TAPT1: variants seen among roughly 807,000 people sequenced by gnomAD.
TAPT1 encodes transmembrane anterior posterior transformation protein 1 homolog.
Under a neutral mutation model 65.6 loss-of-function variants are expected in TAPT1, and 28 were observed. The observed-to-expected ratio is 0.43, with a 90% confidence interval of 0.32 to 0.59. The LOEUF is 0.59. Ranked by LOEUF, TAPT1 falls within the 20% of genes least tolerant of loss-of-function variation. The pLI, the probability that TAPT1 is intolerant of heterozygous loss-of-function variation, is 0.09. For missense variants in TAPT1, 563 were observed against 679.9 expected, an observed-to-expected ratio of 0.83 and a Z score of 1.91; for synonymous variants, 278 against 245.2, an observed-to-expected ratio of 1.13 and a Z score of -1.25.
Position 16,161,307 on chromosome 4 carries a change from CA to C in TAPT1, c.*2000del, listed in dbSNP as rs1484777554. 1.3e-5 allele frequency: 2 copies of C among 152,510 alleles called. No homozygotes were observed. The highest frequency in any genetic ancestry group is 4.8e-5 in the African/African-American group (2 of 41,404). The allele number at this position is 152,510 out of a possible 1,614,324, so 9.4% of individuals were successfully genotyped here. ...TCAGTGACCTTTTTAAAAAAGATTACAAAACTGAATTTATTGAGATTCACAC... is the reference window on the plus strand; with the variant it reads ...TCAGTGACCTTTTTAAAAAAGATTACAAACTGAATTTATTGAGATTCACAC... On this transcript the variant is annotated 3_prime_UTR_variant, in exon 14 of 14. Coordinates refer to ENST00000405303, the MANE Select transcript of TAPT1 (RefSeq NM_153365.3).
chr4:16,204,534 TAA>T (rs777845116), intron 2 of TAPT1, among the ~76,000 whole-genome samples: 9 of 152,246 alleles, frequency 5.9e-5, no homozygotes, highest in African/African-American at 9.6e-5. Flanking sequence ...TTCTTTAAAA[TAA>T]AAAGAGTTAT....
intron 2 of TAPT1, among the ~76,000 whole-genome samples, chr4:16,205,464 T>C (rs1275552767): frequency 1.3e-5 from 2 of 152,174 alleles, no homozygotes; most frequent in African/African-American, 4.8e-5. Flanking sequence ...TGCTTAATAC[T>C]GCACTGGGAG....
intron 3 of TAPT1, among the ~76,000 whole-genome samples, chr4:16,195,476 G>GT (rs1438564845): frequency 6.6e-6 from 1 of 152,174 alleles, no homozygotes; most frequent in Non-Finnish European, 1.5e-5. Flanking sequence ...AGGTTTGGGT[G>GT]TATGTCATCA....
intron 9 of TAPT1, 96 bp from the exon 10 acceptor site, chr4:16,174,825 C>A (rs1748225406): frequency 2.2e-6 from 2 of 907,766 alleles, no homozygotes; most frequent in Non-Finnish European, 3.2e-6. Context: ...TAATAATTAA[C>A]CAGGAACAAG....
At chr4:16,188,417 T>C (rs1749150795) in intron 4 of TAPT1, 62 bp from the exon 5 acceptor site, 3 of 1,301,008 alleles carry the variant, frequency 2.3e-6, no homozygotes, top group Non-Finnish European at 2.1e-6. Context: ...ATAACTAAAA[T>C]TGAGATATAG....
intron 1 of TAPT1, among the ~76,000 whole-genome samples, chr4:16,223,776 A>AAAAC (rs760202101): frequency 2.6e-5 from 4 of 152,236 alleles, no homozygotes; most frequent in Non-Finnish European, 4.4e-5. Context: ...GGAGAGATAT[A>AAAAC]AAACAAAAAA....
chr4:16,197,392 A>G (rs1749771740), intron 3 of TAPT1, among the ~76,000 whole-genome samples: 1 of 152,214 alleles, frequency 6.6e-6, no homozygotes, highest in Admixed American at 6.5e-5. Context: ...TTTTTTCAAC[A>G]ATAACTCAAT....
intron 4 of TAPT1, among the ~76,000 whole-genome samples, chr4:16,189,768 T>C (rs769106219): frequency 3.2e-4 from 49 of 152,344 alleles, no homozygotes; most frequent in Admixed American, 7.8e-4. Flanking sequence ...CAGCAATTCA[T>C]GGATCCTTTT....
chr4:16,176,056 A>G (rs1748302259), intron 9 of TAPT1, 63 bp downstream of exon 9: 1 of 794,862 alleles, frequency 1.3e-6, no homozygotes, highest in Non-Finnish European at 1.9e-6. Context: ...TTATTCTACA[A>G]CTTTTAAAAA....
chr4:16,196,825 G>A, intron 3 of TAPT1: 1 of 517,978 alleles, frequency 1.9e-6, no homozygotes, highest in Non-Finnish European at 3.5e-6. Flanking sequence ...GTGTTACGAA[G>A]ACTTTCTAAT....
At chr4:16,197,163 C>G (rs530160585) in intron 3 of TAPT1, among the ~76,000 whole-genome samples, 36 of 152,214 alleles carry the variant, frequency 2.4e-4, no homozygotes, top group South Asian at 6.2e-4. Flanking sequence ...GATAAACTCT[C>G]AAAAGAAAAT....
upstream of TAPT1, chr4:16,227,212 C>A (rs759654983): frequency 4.4e-6 from 2 of 455,500 alleles, no homozygotes; most frequent in South Asian, 1.6e-5. Flanking sequence ...GCGGCCGGAC[C>A]GGCAGAGTTT....
chr4:16,226,283 G>A lies in TAPT1; in HGVS notation c.175C>T (p.Arg59Trp). The A allele has an allele frequency of 8.9e-7, 1 of 1,126,518 alleles. No homozygotes were observed. The highest frequency in any genetic ancestry group is 1.1e-6 in the Non-Finnish European group (1 of 921,274). The allele number at this position is 1,126,518 out of a possible 1,614,324, so 69.8% of individuals were successfully genotyped here. The change falls in exon 1 of 14, where the codon CGG (arginine) becomes TGG (tryptophan). Residue 59 changes from arginine to tryptophan, a missense_variant. By Grantham distance (101) the Arg-to-Trp change is moderately radical. This residue lies in a region of TAPT1 where 103 missense variants were observed against 89.4 expected (regional missense o/e 1.15). Transcript: ENST00000405303. The stretch of plus-strand genomic sequence containing the variant: ...CCTGTGCGGCCCCGGCGCCTCTCCC[G>A]CCGCCGGTCGCTCTCGTAGAAGCCC... ...TLGFYESDRR[R>W]ERRRGRTELS...
At chr4:16,176,389 G>GT (rs1285544450) in intron 8 of TAPT1, 161 bp from the exon 9 acceptor site, 1 of 464,852 alleles carries the variant, frequency 2.2e-6, no homozygotes. Context: ...GAGCTATACT[G>GT]TATCAAGTTA....
chr4:16,221,976 G>A (rs1751279966), intron 1 of TAPT1, among the ~76,000 whole-genome samples: 1 of 152,158 alleles, frequency 6.6e-6, no homozygotes, highest in African/African-American at 2.4e-5. Context: ...TTGAAAAAAT[G>A]TTTATAGTCT....
chr4:16,225,879 C>G, intron 1 of TAPT1: 1 of 985,770 alleles, frequency 1.0e-6, no homozygotes. Context: ...GTCACCTTGG[C>G]ATGAATATAA....
At chr4:16,202,834 G>A (rs1207147382) in intron 2 of TAPT1, among the ~76,000 whole-genome samples, 1 of 152,170 alleles carries the variant, frequency 6.6e-6, no homozygotes, top group African/African-American at 2.4e-5. Context: ...CACATCATCT[G>A]ATGCGGCTTT....
chr4:16,203,105 G>T lies in TAPT1; in HGVS notation c.331-525C>A, dbSNP rs905008307. 2.0e-5 allele frequency among the ~76,000 whole-genome samples: 3 copies of T among 152,034 alleles called. No homozygotes were observed. The East Asian group carries it at 5.8e-4, about 29-fold the overall frequency. On this transcript the variant is annotated intron_variant, in intron 2 of 13. Transcript: ENST00000405303. ...GTTTATATTTCTCCTCCTTTCTTGA[G>T]TACTTGCCATACCCTTTCTTTTTGT...
chr4:16,166,591 T>C, intron 13 of TAPT1, 42 bp downstream of exon 13: 2 of 1,601,310 alleles, frequency 1.2e-6, no homozygotes, highest in African/African-American at 1.3e-5. Context: ...ATTTAACTCT[T>C]TGAAAATGAT....
Sources: allele counts gnomAD v4.1 joint callset (sites outside exome capture counted in the v4.1 genomes callset), GRCh38; gene constraint gnomAD v4.1.1; regional missense constraint gnomAD v4.1.1; transcripts MANE v1.5; gene names NCBI Gene and HGNC (gene_info 2026-07-23, HGNC 2026-07-21).